NFATC2: variants seen among roughly 807,000 people sequenced by gnomAD.
NFATC2 encodes nuclear factor of activated T-cells, cytoplasmic 2.
In NFATC2, 22 loss-of-function variants were observed where a neutral mutation model predicts 87.3. That is an observed-to-expected ratio of 0.25 (90% CI 0.18 to 0.36). The LOEUF is 0.36. NFATC2 is among the 10% of genes least tolerant of loss of function. NFATC2 has a pLI of 1.00. For synonymous variants in NFATC2, 565 were observed against 542.2 expected (o/e 1.04, Z -0.58); for missense variants, 1,149 against 1,259.1 (o/e 0.91, Z 1.32).
At chr20:51,486,493 AAG>A (rs1405335428) in intron 3 of NFATC2, among the ~76,000 whole-genome samples, 1 of 152,082 alleles carries the variant, frequency 6.6e-6, no homozygotes, top group East Asian at 1.9e-4. Flanking sequence ...GCCTGGCAGA[AAG>A]AGAGCTCCTC....
intron 6 of NFATC2, among the ~76,000 whole-genome samples, chr20:51,447,043 C>T (rs1985156925): frequency 1.3e-5 from 2 of 151,540 alleles, no homozygotes; most frequent in Admixed American, 6.6e-5. Context: ...AAGATGGTTC[C>T]GATTGTTCCA....
intron 3 of NFATC2, among the ~76,000 whole-genome samples, chr20:51,508,888 G>A (rs1269954385): frequency 6.6e-6 from 1 of 151,738 alleles, no homozygotes; most frequent in African/African-American, 2.4e-5. Flanking sequence ...CTGGGCCTCT[G>A]CAGCAGCTTC....
rs1985943848 is a variant in NFATC2 at position 51,387,988 on chromosome 20, T to C, written c.*3508A>G. 1 of 152,006 alleles carries C rather than the reference T, an allele frequency of 6.6e-6. No homozygotes were observed. Among genetic ancestry groups the C allele is most frequent in the Non-Finnish European group, 1.5e-5 (1 of 68,020 alleles). 9.4% of individuals were successfully genotyped at this position (152,006 alleles called of 1,614,324 possible). A position where few individuals can be genotyped will look rare whatever the true frequency, so the allele number is the denominator to read the frequency against. On this transcript the variant is annotated 3_prime_UTR_variant, in exon 11 of 11. Coordinates refer to ENST00000371564, the MANE Select transcript of NFATC2 (RefSeq NM_012340.5). ...CCCAAGACTGGCTCACTGAGGCGTCTTGGCTACTGGATGTAAACAAAAAAT... is the reference window on the plus strand; with the variant it reads ...CCCAAGACTGGCTCACTGAGGCGTCCTGGCTACTGGATGTAAACAAAAAAT...
In NFATC2 at chr20:51,398,638, AT is replaced by A; in HGVS notation, c.*44+4del. The stretch of plus-strand genomic sequence containing the variant: ...ACAAAAGGAGAAGCAGAAGATATCG[AT>A]TACCTTTAACTTTGATTTCTCGGAT... On this transcript the variant is annotated splice_donor_region_variant and intron_variant, in intron 10 of 10. Coordinates refer to ENST00000371564, the MANE Select transcript of NFATC2 (RefSeq NM_012340.5). 6.3e-7 allele frequency: 1 copy of A among 1,587,890 alleles called. No homozygotes were observed. The highest frequency in any genetic ancestry group is 8.6e-7 in the Non-Finnish European group (1 of 1,165,594).
At chr20:51,433,880 CCATT>C (rs1287938054) in intron 8 of NFATC2, among the ~76,000 whole-genome samples, 1 of 151,884 alleles carries the variant, frequency 6.6e-6, no homozygotes, top group Non-Finnish European at 1.5e-5. Flanking sequence ...CCTCGAGGTG[CCATT>C]CAAAGGCCAT....
chr20:51,428,248 G>A (rs1226294255), intron 9 of NFATC2, among the ~76,000 whole-genome samples: 1 of 152,102 alleles, frequency 6.6e-6, no homozygotes, highest in East Asian at 1.9e-4. Flanking sequence ...TTAGAACAAG[G>A]GACTAGTCAC....
At chr20:51,493,822 G>T (rs561617741) in intron 3 of NFATC2, among the ~76,000 whole-genome samples, 5 of 152,090 alleles carry the variant, frequency 3.3e-5, no homozygotes, top group African/African-American at 9.7e-5. Context: ...GGCATCAAAC[G>T]CTTAGCAAAG....
In NFATC2 at chr20:51,558,595, C is replaced by T. The variant is rs566772540; in HGVS notation, c.70+3965G>A. 4.7e-4 allele frequency among the ~76,000 whole-genome samples: 71 copies of T among 152,150 alleles called. 1 individual carries two copies. The highest frequency in any genetic ancestry group is 4.1e-3 in the South Asian group (20 of 4,822). On this transcript the variant is annotated intron_variant, in intron 1 of 10. Transcript: ENST00000414705. ...ATATTGTTTATTAAAGGATTGAGAA[C>T]TTCCATAGATTATTTGCTGTTTCCC... is the stretch of plus-strand genomic sequence containing the variant.
At chr20:51,396,340 A>G (rs1331600003) in intron 10 of NFATC2, among the ~76,000 whole-genome samples, 1 of 152,084 alleles carries the variant, frequency 6.6e-6, no homozygotes, top group Non-Finnish European at 1.5e-5. Flanking sequence ...ATGGCTGCTC[A>G]GGATTACATG....
rs367814095 is a variant in NFATC2, at chr20:51,523,238, C to T, written c.1003G>A (p.Ala335Thr). The T allele has an allele frequency of 3.7e-6, 6 of 1,613,436 alleles. No individual in the cohort carries two copies. Among genetic ancestry groups the T allele is most frequent in the Admixed American group, 3.3e-5 (2 of 59,980 alleles). The stretch of plus-strand genomic sequence containing the variant: ...CGAGGCAGGCCGGCCTTGGATGGGG[C>T]GGCAGACACCGGCGAGGGGTCAGGG... ...TSPDPSPVSA[A>T]PSKAGLPRHI... The change falls in exon 2 of 11, where the codon GCC becomes ACC. Residue 335 changes from alanine (A) to threonine (T), a missense_variant. Around this residue, in one of 3 missense-constraint regions of NFATC2, gnomAD observed 563 missense variants for 585.2 expected, o/e 0.96. Coordinates refer to ENST00000371564, the MANE Select transcript of NFATC2 (RefSeq NM_012340.5). The surrounding 1 kb of genome is among the most constrained non-coding windows in gnomAD (Gnocchi z 6.9).
At chr20:51,410,596 T>A (rs1979077469) in intron 9 of NFATC2, among the ~76,000 whole-genome samples, 4 of 151,068 alleles carry the variant, frequency 2.6e-5, no homozygotes, top group Admixed American at 1.3e-4. Context: ...AGAAAGAAGG[T>A]AATGAAGGAG....
rs529775368 is a variant in NFATC2, at chr20:51,437,045, T to C, written c.1850-1284A>G. 1.5e-4 allele frequency among the ~76,000 whole-genome samples: 23 copies of C among 151,670 alleles called. No homozygotes were observed. In the East Asian group the frequency reaches 2.5e-3, roughly 17 times the overall value. Reference sequence around the variant, plus strand: ...CTCATAACTACTGATGAAGAGGTTTTGCTCAGTAAACTCTCCTGTCCAGAA... The same window carrying C: ...CTCATAACTACTGATGAAGAGGTTTCGCTCAGTAAACTCTCCTGTCCAGAA... On this transcript the variant is annotated intron_variant, in intron 6 of 10. Coordinates refer to ENST00000371564, the MANE Select transcript of NFATC2 (RefSeq NM_012340.5).
chr20:51,411,720 G>T (rs1348073090), intron 9 of NFATC2, among the ~76,000 whole-genome samples: 2 of 151,902 alleles, frequency 1.3e-5, no homozygotes, highest in Non-Finnish European at 2.9e-5. Flanking sequence ...TAGAGACAAG[G>T]TTTCAACATG....
At chr20:51,522,417 G>C (rs1278146611) in intron 2 of NFATC2, among the ~76,000 whole-genome samples, 1 of 152,158 alleles carries the variant, frequency 6.6e-6, no homozygotes, top group Non-Finnish European at 1.5e-5. Flanking sequence ...GCAGCAGAAA[G>C]GCAGCAGCAG....
intron 1 of NFATC2, 55 bp downstream of exon 1, chr20:51,542,315 C>A: frequency 6.4e-7 from 1 of 1,568,462 alleles, no homozygotes; most frequent in Non-Finnish European, 8.6e-7. Context: ...GCCCAGTCCC[C>A]AGGCCTGAGC....
intron 3 of NFATC2, among the ~76,000 whole-genome samples, chr20:51,492,789 T>C (rs950750685): frequency 6.6e-6 from 1 of 152,194 alleles, no homozygotes; most frequent in Non-Finnish European, 1.5e-5. Context: ...AGAGGCGTGA[T>C]AAAGCAGCCC....
chr20:51,546,787 A>G (rs1568754786), upstream of NFATC2, among the ~76,000 whole-genome samples: 1 of 152,232 alleles, frequency 6.6e-6, no homozygotes, highest in African/African-American at 2.4e-5. Context: ...AACCTGACGT[A>G]GACAGGGAAT....
intron 5 of NFATC2, among the ~76,000 whole-genome samples, chr20:51,466,337 G>A (rs906500049): frequency 6.6e-6 from 1 of 152,148 alleles, no homozygotes; most frequent in African/African-American, 2.4e-5. Context: ...CCAGGCATGA[G>A]CCACCACACC....
chr20:51,558,950 C>T (rs897454673), intron 1 of NFATC2, among the ~76,000 whole-genome samples: 4 of 152,156 alleles, frequency 2.6e-5, no homozygotes, highest in African/African-American at 7.2e-5. Flanking sequence ...ATAGGAGACC[C>T]GATCCCTGGC....
Sources: gnomAD v4.1 joint callset for allele counts (sites outside exome capture counted in the v4.1 genomes callset) on GRCh38, gnomAD v4.1.1 for gene constraint, gnomAD v4.1.1 regional missense constraint, Gnocchi (gnomAD v3.1) non-coding constraint, MANE v1.5 for transcripts, NCBI Gene and HGNC (gene_info 2026-07-23, HGNC 2026-07-21) for gene names.